Variants in THADA observed in about 807,000 individuals in gnomAD.
THADA encodes the protein THADA armadillo repeat containing.
Under a neutral mutation model 219.8 loss-of-function variants are expected in THADA, and 213 were observed. The ratio of observed to expected loss-of-function variants is 0.97; its 90% confidence interval spans 0.87 to 1.09. THADA has a LOEUF of 1.09. THADA is among the 50% of genes least tolerant of loss of function. The pLI, the probability that THADA is intolerant of heterozygous loss-of-function variation, is 0.00. For synonymous variants in THADA, 1,018 were observed against 828.9 expected, an observed-to-expected ratio of 1.23 and a Z score of -3.92; for missense variants, 2,956 against 2,311.3, an observed-to-expected ratio of 1.28 and a Z score of -5.72.
intron 24 of THADA, among the ~76,000 whole-genome samples, chr2:43,501,307 CAAAAAAAAAA>C (rs60448094): frequency 9.9e-3 from 149 of 15,042 alleles, no homozygotes; most frequent in African/African-American, 0.022. Flanking sequence ...ACTCCAACTC[CAAAAAAAAAA>C]AAAAAAAAAA....
At chr2:43,546,938 C>G (rs1243803074) in intron 20 of THADA, among the ~76,000 whole-genome samples, 1 of 151,958 alleles carries the variant, frequency 6.6e-6, no homozygotes, top group Non-Finnish European at 1.5e-5. Context: ...TTATTTTGCT[C>G]GTTAGTTGAT....
At chr2:43,240,823 C>T (rs901918421) in intron 36 of THADA, among the ~76,000 whole-genome samples, 1 of 152,186 alleles carries the variant, frequency 6.6e-6, no homozygotes, top group African/African-American at 2.4e-5. Flanking sequence ...CAGTCTCTGT[C>T]CTTTATCTGA....
intron 31 of THADA, among the ~76,000 whole-genome samples, chr2:43,295,761 T>A (rs1317255492): frequency 1.3e-5 from 2 of 152,156 alleles, no homozygotes; most frequent in African/African-American, 2.4e-5. Context: ...TTGCATAGAC[T>A]TGCAATAATT....
In THADA at chr2:43,463,872, G is replaced by A. The variant is rs533073526; in HGVS notation, c.3836+21362C>T. 5.9e-5 allele frequency among the ~76,000 whole-genome samples: 9 copies of A among 152,288 alleles called. No individual in the cohort carries two copies. The South Asian group carries it at 1.9e-3, about 32-fold the overall frequency. ...GTTTCCTCTCAGTGCTCCAGACACA[G>A]GCATGTGCTCCTTGAATTGCTTACA... On this transcript the variant is annotated intron_variant, in intron 26 of 37. Coordinates refer to ENST00000405975, the MANE Select transcript of THADA (RefSeq NM_022065.5).
At position 43,556,473 on chromosome 2, in the gene THADA, GA is replaced by G. The variant is rs1422584866; in HGVS notation, c.2545del (p.Ser849ProfsTer4). 6.2e-7 allele frequency: 1 copy of G among 1,613,924 alleles called. No homozygotes were observed. The highest frequency in any genetic ancestry group is 8.5e-7 in the Non-Finnish European group (1 of 1,179,860). ...CCAGATTAAGAAGTTCAGCAGGTAG[GA>G]AGCTGTCACACAGTCGTATGGTTTG... ...STKPYDCVTASYLLNFLIWQD... is the reference protein window; with the variant it reads ...STKPYDCVTAXYLLNFLIWQD... On this transcript the variant is annotated frameshift_variant, in exon 17 of 38. Transcript: ENST00000405975. LOFTEE classifies it high-confidence loss of function.
chr2:43,287,494 G>A (rs1258843382), intron 34 of THADA, among the ~76,000 whole-genome samples: 7 of 152,058 alleles, frequency 4.6e-5, no homozygotes, highest in Non-Finnish European at 8.8e-5. Context: ...ACAGGGTTTC[G>A]CCATGTTGGT....
intron 25 of THADA, chr2:43,492,390 ATGTATATATG>A (rs1387126539): frequency 6.6e-6 from 1 of 151,826 alleles, no homozygotes; most frequent in African/African-American, 2.4e-5. Flanking sequence ...GTGTGTGCAC[ATGTATATATG>A]TGTATATTTT....
At chr2:43,329,197 G>A (rs2104490757) in intron 30 of THADA, among the ~76,000 whole-genome samples, 1 of 152,294 alleles carries the variant, frequency 6.6e-6, no homozygotes, top group Admixed American at 6.5e-5. Flanking sequence ...CTATGTGCTA[G>A]GAATTATGGG....
intron 30 of THADA, among the ~76,000 whole-genome samples, chr2:43,338,435 C>T (rs1666726023): frequency 1.3e-5 from 2 of 152,078 alleles, no homozygotes; most frequent in South Asian, 4.1e-4. Context: ...GCGATAACAG[C>T]TCTAAGCCAC....
intron 26 of THADA, among the ~76,000 whole-genome samples, chr2:43,450,912 G>GA (rs1268387643): frequency 1.3e-5 from 2 of 152,178 alleles, no homozygotes; most frequent in African/African-American, 4.8e-5. Context: ...CATAGAGACA[G>GA]AAAGTAGAAT....
chr2:43,577,676 C>CA (rs1236728732), intron 9 of THADA, among the ~76,000 whole-genome samples: 1 of 150,716 alleles, frequency 6.6e-6, no homozygotes, highest in Admixed American at 6.6e-5. Context: ...ATATAGCAAG[C>CA]AAAAAAAGAA....
At chr2:43,583,761 T>C (rs927295525) in intron 7 of THADA, among the ~76,000 whole-genome samples, 1 of 152,102 alleles carries the variant, frequency 6.6e-6, no homozygotes, top group African/African-American at 2.4e-5. Flanking sequence ...GCTACAAACG[T>C]GGAAGACCCT....
At chr2:43,416,515 A>T (rs1676989869) in intron 28 of THADA, among the ~76,000 whole-genome samples, 1 of 152,218 alleles carries the variant, frequency 6.6e-6, no homozygotes, top group Admixed American at 6.5e-5. Flanking sequence ...GATTATTCAG[A>T]CTGAGGCCTA....
intron 8 of THADA, among the ~76,000 whole-genome samples, chr2:43,580,089 A>G (rs1268586165): frequency 7.1e-6 from 1 of 141,794 alleles, no homozygotes; most frequent in Non-Finnish European, 1.5e-5. Context: ...CAGTGGCATG[A>G]TCTTGGCTCA....
At chr2:43,418,520 C>T (rs1389932208) in intron 28 of THADA, among the ~76,000 whole-genome samples, 1 of 152,088 alleles carries the variant, frequency 6.6e-6, no homozygotes, top group African/African-American at 2.4e-5. Context: ...TTGTACTAGG[C>T]CCTAAAAGAA....
intron 30 of THADA, among the ~76,000 whole-genome samples, chr2:43,323,084 T>C (rs1017734500): frequency 6.6e-6 from 1 of 152,290 alleles, no homozygotes; most frequent in Admixed American, 6.5e-5. Context: ...CACTAATATG[T>C]TTTGGATACC....
At chr2:43,296,147 T>C (rs1675349433) in intron 31 of THADA, among the ~76,000 whole-genome samples, 1 of 152,068 alleles carries the variant, frequency 6.6e-6, no homozygotes, top group South Asian at 2.1e-4. Flanking sequence ...TTCGAACTCC[T>C]GACCTCGTGA....
intron 36 of THADA, among the ~76,000 whole-genome samples, chr2:43,267,772 T>C (rs1177187718): frequency 6.6e-6 from 1 of 152,158 alleles, no homozygotes; most frequent in African/African-American, 2.4e-5. Flanking sequence ...ATACGGACCA[T>C]CACACTAGTC....
chr2:43,378,009 A>G (rs530497986), intron 29 of THADA, among the ~76,000 whole-genome samples: 1 of 152,228 alleles, frequency 6.6e-6, no homozygotes, highest in Non-Finnish European at 1.5e-5. Context: ...GTATTTTCAC[A>G]TGATTAGACT....
Sources: gnomAD v4.1 joint callset for allele counts (sites outside exome capture counted in the v4.1 genomes callset) on GRCh38, gnomAD v4.1.1 for gene constraint, MANE v1.5 for transcripts, NCBI Gene and HGNC (gene_info 2026-07-23, HGNC 2026-07-21) for gene names.